SUFU: variants seen among roughly 807,000 people sequenced by gnomAD.
The protein encoded by SUFU is SUFU negative regulator of hedgehog signaling.
Under a neutral mutation model 58.9 loss-of-function variants are expected in SUFU, and 7 were observed. The ratio of observed to expected loss-of-function variants is 0.12; its 90% CI spans 0.07 to 0.22. The LOEUF is 0.22. Among genes scored for constraint, SUFU ranks in the 10% least tolerant of loss-of-function variants. SUFU has a pLI of 1.00. For synonymous variants in SUFU, 232 were observed against 254.8 expected (o/e 0.91, Z 0.85); for missense variants, 451 against 641.3 (o/e 0.70, Z 3.20).
intron 3 of SUFU, among the ~76,000 whole-genome samples, chr10:102,558,460 T>C (rs2063003553): frequency 6.6e-6 from 1 of 152,192 alleles, no homozygotes; most frequent in Admixed American, 6.5e-5. Flanking sequence ...CTCTACCCAC[T>C]TTGGCCACCC....
At chr10:102,559,577 G>C (rs771318578) in intron 3 of SUFU, among the ~76,000 whole-genome samples, 3 of 152,178 alleles carry the variant, frequency 2.0e-5, no homozygotes, top group Non-Finnish European at 4.4e-5. Context: ...TTCACCAGTA[G>C]ACACATCCAT....
At chr10:102,520,026 C>G (rs1212528048) in intron 2 of SUFU, among the ~76,000 whole-genome samples, 1 of 151,948 alleles carries the variant, frequency 6.6e-6, no homozygotes, top group Admixed American at 6.6e-5. Context: ...CCCACCTCGG[C>G]CTCCCAAAGT....
chr10:102,567,951 G>A (rs1176056645), intron 3 of SUFU, among the ~76,000 whole-genome samples: 2 of 152,160 alleles, frequency 1.3e-5, no homozygotes, highest in African/African-American at 4.8e-5. Flanking sequence ...AACCGGGCAT[G>A]TCTAGGTCCT....
upstream of SUFU, among the ~76,000 whole-genome samples, chr10:102,503,720 T>G (rs530250119): frequency 3.9e-5 from 6 of 152,354 alleles, no homozygotes. Flanking sequence ...GTTGGCGCAC[T>G]TCTCGCTGCT....
At chr10:102,545,324 G>A (rs2062844263) in intron 2 of SUFU, among the ~76,000 whole-genome samples, 1 of 146,928 alleles carries the variant, frequency 6.8e-6, no homozygotes, top group African/African-American at 2.5e-5. Flanking sequence ...TGTAGAAACG[G>A]GGTTTGGCCA....
At chr10:102,627,688 C>T (rs1003281838) in intron 11 of SUFU, among the ~76,000 whole-genome samples, 3 of 152,184 alleles carry the variant, frequency 2.0e-5, no homozygotes, top group Non-Finnish European at 2.9e-5. Context: ...GCTCTCGCCT[C>T]GGGCCACCCA....
Position 102,619,465 on chromosome 10 carries a change from CA to C in SUFU, c.1296+2040del. ...GTTGCTGTGCTGGGAGCTACTCAAT[CA>C]AAGGCCTGTGTTATGGGCTCATTAG... is the stretch of plus-strand genomic sequence containing the variant. On this transcript the variant is annotated intron_variant, in intron 10 of 11. Coordinates refer to ENST00000369902, the MANE Select transcript of SUFU (RefSeq NM_016169.4). The surrounding 1 kb of genome is among the most constrained non-coding windows in gnomAD (Gnocchi z 4.2). The C allele has an allele frequency of 7.9e-7, 1 of 1,270,750 alleles. No individual in the cohort carries two copies. Among genetic ancestry groups the C allele is most frequent in the Non-Finnish European group, 1.0e-6 (1 of 998,828 alleles). 78.7% of individuals were successfully genotyped at this position (1,270,750 alleles called of 1,614,324 possible).
rs2135867363 is a variant in SUFU at position 102,592,713 on chromosome 10, A to G, written c.586A>G (p.Thr196Ala). 1 of 1,614,074 alleles carries G rather than the reference A, an allele frequency of 6.2e-7. No individual in the cohort carries two copies. The highest frequency in any genetic ancestry group is 8.5e-7 in the Non-Finnish European group (1 of 1,180,026). The change falls in exon 4 of 12, where the codon ACC (threonine) becomes GCC (alanine). Residue 196 changes from threonine (T) to alanine (A), a missense_variant. Thr to Ala is a moderately conservative substitution (Grantham distance 58). Coordinates refer to ENST00000369902, the MANE Select transcript of SUFU (RefSeq NM_016169.4). ...QPVQTPFGVV[T>A]FLQIVGVCTE... is the part of the protein sequence containing the mutation. ...CGTGCAGACACCCTTTGGGGTAGTT[A>G]CCTTCCTCCAGGTGAGGCACAGGTT...
At chr10:102,539,674 T>C (rs1055655856) in intron 2 of SUFU, among the ~76,000 whole-genome samples, 3 of 152,234 alleles carry the variant, frequency 2.0e-5, no homozygotes, top group Non-Finnish European at 4.4e-5. Flanking sequence ...CATTCATTGA[T>C]ATTGAGATTT....
At chr10:102,549,891 G>A (rs2062894126) in intron 2 of SUFU, 79 bp from the exon 3 acceptor site, 18 of 1,580,882 alleles carry the variant, frequency 1.1e-5, no homozygotes, top group Admixed American at 1.7e-5. Context: ...CCATAAAAAG[G>A]GGGAGAACTT....
intron 2 of SUFU, among the ~76,000 whole-genome samples, chr10:102,543,478 G>T (rs995663503): frequency 4.6e-5 from 7 of 152,144 alleles, no homozygotes; most frequent in South Asian, 2.1e-4. Context: ...CGCTTTCATG[G>T]TTTTTTGCAT....
At chr10:102,512,295 A>G (rs1016596454) in intron 2 of SUFU, among the ~76,000 whole-genome samples, 1 of 152,210 alleles carries the variant, frequency 6.6e-6, no homozygotes, top group Non-Finnish European at 1.5e-5. Context: ...GGGAGTAAAG[A>G]GACTATGCTG....
intron 2 of SUFU, among the ~76,000 whole-genome samples, chr10:102,532,721 A>G (rs1162810381): frequency 6.6e-6 from 1 of 152,172 alleles, no homozygotes; most frequent in Non-Finnish European, 1.5e-5. Context: ...TTTCGGAGGC[A>G]AGGGAGTCAT....
chr10:102,533,830 A>T (rs1339207154), intron 2 of SUFU, among the ~76,000 whole-genome samples: 3 of 152,210 alleles, frequency 2.0e-5, no homozygotes, highest in Non-Finnish European at 4.4e-5. Flanking sequence ...ACATTTGCAA[A>T]GTCCCTTTTG....
chr10:102,506,867 G>T (rs934372112), intron 1 of SUFU, among the ~76,000 whole-genome samples: 3 of 152,176 alleles, frequency 2.0e-5, no homozygotes, highest in Admixed American at 2.0e-4. Flanking sequence ...CTCTGTGACT[G>T]GTGATCCCTG....
chr10:102,586,743 G>A (rs1288154760), intron 3 of SUFU, among the ~76,000 whole-genome samples: 1 of 152,228 alleles, frequency 6.6e-6, no homozygotes, highest in Admixed American at 6.5e-5. Flanking sequence ...TAAGTGTACA[G>A]TTCTGTGACA....
At chr10:102,559,209 A>G (rs7893954) in intron 3 of SUFU, among the ~76,000 whole-genome samples, 55,084 of 152,030 alleles carry the variant, frequency 0.36, 10,721 homozygotes, top group East Asian at 0.66. Context: ...AACCGCCCTC[A>G]TTGGTGTCCC....
rs548231348 is a variant in SUFU, at chr10:102,632,505, C to T, written c.*2350C>T. ...CCTTTCCTATGGGCATTGGTGCCTC[C>T]CAGAGGTTTCTTGGGCTGCTGGCTG... On this transcript the variant is annotated 3_prime_UTR_variant, in exon 12 of 12. Transcript: ENST00000369902. The T allele has an allele frequency of 7.7e-5, 18 of 233,394 alleles. No homozygotes were observed. Among genetic ancestry groups the T allele is most frequent in the African/African-American group, 4.0e-4 (18 of 45,454 alleles). 14.5% of individuals were successfully genotyped at this position (233,394 alleles called of 1,614,324 possible). A position where few individuals can be genotyped will look rare whatever the true frequency, so the allele number is the denominator to read the frequency against.
chr10:102,547,740 T>C (rs531162708), intron 2 of SUFU, among the ~76,000 whole-genome samples: 1 of 151,954 alleles, frequency 6.6e-6, no homozygotes, highest in Admixed American at 6.6e-5. Context: ...AAGGATTGCC[T>C]AAGACCGGGA....
Sources: gnomAD v4.1 joint callset for allele counts (sites outside exome capture counted in the v4.1 genomes callset) on GRCh38, gnomAD v4.1.1 for gene constraint, Gnocchi (gnomAD v3.1) non-coding constraint, MANE v1.5 for transcripts, NCBI Gene and HGNC (gene_info 2026-07-23, HGNC 2026-07-21) for gene names.